The following GABRB1 variants were observed in gnomAD, a reference collection of about 807,000 sequenced individuals.
GABRB1 encodes gamma-aminobutyric acid receptor subunit beta-1.
In GABRB1, 17 loss-of-function variants were observed where a neutral mutation model predicts 51.6. That is an observed-to-expected ratio of 0.33 (90% CI 0.23 to 0.49). The LOEUF is 0.49. Ranked by LOEUF, GABRB1 falls within the 20% of genes least tolerant of loss-of-function variation. The pLI is 0.99. For synonymous variants in GABRB1, 247 were observed against 218.9 expected (o/e 1.13, Z -1.14); for missense variants, 410 against 600.6 (o/e 0.68, Z 3.32).
intron 4 of GABRB1, among the ~76,000 whole-genome samples, chr4:47,249,854 T>G (rs946469245): frequency 1.3e-5 from 2 of 152,184 alleles, no homozygotes; most frequent in Admixed American, 1.3e-4. Context: ...AGGCAGCAGA[T>G]AGTAGATTGG....
At chr4:47,056,505 G>A (rs936821200) in intron 3 of GABRB1, among the ~76,000 whole-genome samples, 6 of 152,108 alleles carry the variant, frequency 3.9e-5, no homozygotes, top group African/African-American at 1.2e-4. Flanking sequence ...AGCATGCTAG[G>A]CAATCGTTTT....
chr4:47,245,093 C>G (rs576106778), intron 4 of GABRB1, among the ~76,000 whole-genome samples: 11 of 151,824 alleles, frequency 7.2e-5, no homozygotes, highest in Admixed American at 2.0e-4. Context: ...ATTGATAGAC[C>G]GCTAGCAAGA....
At chr4:47,214,767 A>G (rs909639771) in intron 4 of GABRB1, among the ~76,000 whole-genome samples, 7 of 152,132 alleles carry the variant, frequency 4.6e-5, no homozygotes, top group South Asian at 4.1e-4. Context: ...TTTTGTTTCT[A>G]AAGCCATAAG....
At chr4:47,299,663 A>C (rs1043367474) in intron 4 of GABRB1, among the ~76,000 whole-genome samples, 6 of 152,100 alleles carry the variant, frequency 3.9e-5, no homozygotes, top group African/African-American at 1.2e-4. Context: ...TAGTTCAACC[A>C]TTGTGGAAGT....
At chr4:47,316,275 T>C (rs1724885212) in intron 4 of GABRB1, among the ~76,000 whole-genome samples, 1 of 151,866 alleles carries the variant, frequency 6.6e-6, no homozygotes, top group Non-Finnish European at 1.5e-5. Context: ...ACTACCACTT[T>C]ACACTCTATC....
chr4:47,007,424 C>T (rs1724441340), intron 1 of GABRB1, among the ~76,000 whole-genome samples: 1 of 152,164 alleles, frequency 6.6e-6, no homozygotes, highest in South Asian at 2.1e-4. Flanking sequence ...GATGTTTTAA[C>T]ATACGCTTCT....
intron 4 of GABRB1, among the ~76,000 whole-genome samples, chr4:47,223,088 G>A (rs1177167110): frequency 1.3e-5 from 2 of 152,030 alleles, no homozygotes; most frequent in South Asian, 2.1e-4. Flanking sequence ...CACCTACCGG[G>A]AACATTTCTG....
chr4:46,996,555 G>C (rs1303826598), intron 1 of GABRB1, among the ~76,000 whole-genome samples: 1 of 152,118 alleles, frequency 6.6e-6, no homozygotes, highest in Non-Finnish European at 1.5e-5. Context: ...CTCTCATCAA[G>C]TTCTTATAGG....
chr4:47,403,033 A>G (rs1366348432), intron 5 of GABRB1, among the ~76,000 whole-genome samples: 4 of 152,238 alleles, frequency 2.6e-5, no homozygotes, highest in Non-Finnish European at 5.9e-5. Flanking sequence ...TTAATCAAGG[A>G]ATGCAAATTA....
At chr4:47,014,821 A>G (rs376293456) in intron 1 of GABRB1, among the ~76,000 whole-genome samples, 4 of 152,262 alleles carry the variant, frequency 2.6e-5, no homozygotes, top group African/African-American at 9.6e-5. Flanking sequence ...AGGATACTCT[A>G]TGAAAAAGTA....
At chr4:47,348,803 T>C (rs1726201703) in intron 5 of GABRB1, among the ~76,000 whole-genome samples, 1 of 152,172 alleles carries the variant, frequency 6.6e-6, no homozygotes, top group Non-Finnish European at 1.5e-5. Flanking sequence ...TTGACTCCGA[T>C]AAATTAAAGA....
chr4:47,337,366 A>G (rs1053730979), intron 5 of GABRB1, among the ~76,000 whole-genome samples: 1 of 152,136 alleles, frequency 6.6e-6, no homozygotes, highest in Non-Finnish European at 1.5e-5. Flanking sequence ...TTTGTAAGGG[A>G]GAGCAAGGTT....
In GABRB1 at chr4:47,302,423, C is replaced by A. The variant is rs114457719; in HGVS notation, c.462-17704C>A. ...GTGATATTATAAGTTCGGCATATTT[C>A]TGAATATATCATTTACTGTAAGACT... is the stretch of plus-strand genomic sequence containing the variant. On this transcript the variant is annotated intron_variant, in intron 4 of 8. Transcript: ENST00000295454. 7.6e-3 allele frequency among the ~76,000 whole-genome samples: 1,150 copies of A among 151,938 alleles called. 15 individuals carry two copies. The highest frequency in any genetic ancestry group is 0.026 in the African/African-American group (1,099 of 41,486).
chr4:47,314,134 G>A (rs1323597310), intron 4 of GABRB1, among the ~76,000 whole-genome samples: 2 of 151,868 alleles, frequency 1.3e-5, no homozygotes, highest in African/African-American at 4.8e-5. Context: ...AATTGGCCGA[G>A]GTGATCGTAG....
chr4:47,420,876 A>G (rs1361251206), intron 8 of GABRB1, among the ~76,000 whole-genome samples: 1 of 151,728 alleles, frequency 6.6e-6, no homozygotes, highest in Non-Finnish European at 1.5e-5. Flanking sequence ...TGACAGCAGA[A>G]AGCTGGAGGG....
At chr4:47,274,123 C>A (rs1578054391) in intron 4 of GABRB1, among the ~76,000 whole-genome samples, 1 of 152,138 alleles carries the variant, frequency 6.6e-6, no homozygotes, top group East Asian at 1.9e-4. Context: ...ACTCTTAAAG[C>A]AAGAAAAACC....
At chr4:47,264,208 G>C (rs544677781) in intron 4 of GABRB1, among the ~76,000 whole-genome samples, 1 of 152,194 alleles carries the variant, frequency 6.6e-6, no homozygotes, top group East Asian at 1.9e-4. Context: ...AAACAGAGTA[G>C]ATAGAAAGAC....
At chr4:47,075,468 T>C in intron 3 of GABRB1, among the ~76,000 whole-genome samples, 1 of 151,190 alleles carries the variant, frequency 6.6e-6, no homozygotes, top group Non-Finnish European at 1.5e-5. Flanking sequence ...TCACAATGGG[T>C]GACTCAAACA....
intron 1 of GABRB1, among the ~76,000 whole-genome samples, chr4:47,023,956 G>A (rs776596020): frequency 4.6e-5 from 7 of 151,684 alleles, no homozygotes; most frequent in East Asian, 3.9e-4. Context: ...TTTTTGGATC[G>A]TTTTCAATGT....
Sources: gnomAD v4.1 joint callset for allele counts (sites outside exome capture counted in the v4.1 genomes callset) on GRCh38, gnomAD v4.1.1 for gene constraint, MANE v1.5 for transcripts, NCBI Gene and HGNC (gene_info 2026-07-23, HGNC 2026-07-21) for gene names.